Variants in NRG1 observed in about 807,000 individuals in gnomAD.
NRG1 encodes the protein neuregulin 1, also known as pro-neuregulin-1, membrane-bound isoform.
In NRG1, 18 loss-of-function variants were observed where a neutral mutation model predicts 63.8. That is an observed-to-expected ratio of 0.28 (90% CI 0.19 to 0.42). The LOEUF is 0.42. Ranked by LOEUF, NRG1 falls within the 10% of genes least tolerant of loss-of-function variation. NRG1 has a pLI of 1.00. For missense variants in NRG1, 762 were observed against 814.7 expected, an observed-to-expected ratio of 0.94 and a Z score of 0.79; for synonymous variants, 302 against 301.3, an observed-to-expected ratio of 1.00 and a Z score of -0.02.
intron 1 of NRG1, among the ~76,000 whole-genome samples, chr8:32,000,381 T>A (rs899837913): frequency 7.2e-5 from 11 of 151,782 alleles, no homozygotes; most frequent in Admixed American, 1.3e-4. Flanking sequence ...TCTTTTTTTT[T>A]AAAAGACCGT....
At chr8:32,317,901 A>G (rs1164088199) in intron 1 of NRG1, among the ~76,000 whole-genome samples, 1 of 152,168 alleles carries the variant, frequency 6.6e-6, no homozygotes, top group African/African-American at 2.4e-5. Flanking sequence ...ATGTGGATAT[A>G]ATTGAAGAGA....
At chr8:32,064,035 C>T (rs1480728116) in intron 1 of NRG1, among the ~76,000 whole-genome samples, 1 of 151,902 alleles carries the variant, frequency 6.6e-6, no homozygotes, top group Non-Finnish European at 1.5e-5. Flanking sequence ...ACGAGGGGAG[C>T]AATTGGGCAG....
chr8:31,952,977 A>G (rs1563610431), intron 1 of NRG1, among the ~76,000 whole-genome samples: 1 of 152,224 alleles, frequency 6.6e-6, no homozygotes, highest in Non-Finnish European at 1.5e-5. Context: ...TTGCATTAAA[A>G]AATGTTTAGG....
chr8:31,858,841 G>A (rs931777256), intron 1 of NRG1, among the ~76,000 whole-genome samples: 5 of 152,134 alleles, frequency 3.3e-5, no homozygotes, highest in African/African-American at 1.2e-4. Context: ...TGAATGCATT[G>A]GGTTACGAAG....
At chr8:31,933,255 A>G (rs141700484) in intron 1 of NRG1, among the ~76,000 whole-genome samples, 92 of 151,818 alleles carry the variant, frequency 6.1e-4, no homozygotes, top group African/African-American at 2.2e-3. Flanking sequence ...CCCCACAATA[A>G]CCCTGATGGA....
intron 1 of NRG1, among the ~76,000 whole-genome samples, chr8:32,306,848 C>G (rs750742621): frequency 2.0e-5 from 3 of 152,170 alleles, no homozygotes; most frequent in African/African-American, 4.8e-5. Context: ...ATCAAAGAAC[C>G]AAATCCAGTG....
chr8:31,859,653 C>G (rs1482652091), intron 1 of NRG1, among the ~76,000 whole-genome samples: 2 of 152,194 alleles, frequency 1.3e-5, no homozygotes, highest in Non-Finnish European at 2.9e-5. Context: ...ATCTGCATAT[C>G]TGAGCTAGAC....
At chr8:31,873,575 A>C (rs1280295606) in intron 1 of NRG1, among the ~76,000 whole-genome samples, 3 of 152,164 alleles carry the variant, frequency 2.0e-5, no homozygotes, top group Admixed American at 6.5e-5. Context: ...AAAACAAAAC[A>C]AAACAAAACA....
In NRG1 at chr8:31,987,315, T is replaced by C. The variant is rs60298366; in HGVS notation, c.37+347884T>C. Among the ~76,000 whole-genome samples, 769 of 104,178 alleles carry C rather than the reference T, an allele frequency of 7.4e-3. 14 individuals are homozygous for C. Among genetic ancestry groups the C allele is most frequent in the African/African-American group, 0.032 (701 of 22,036 alleles). 68.3% of individuals were successfully genotyped at this position (104,178 alleles called of 152,430 possible). On this transcript the variant is annotated intron_variant, in intron 1 of 10. Coordinates refer to the NRG1 transcript ENST00000519301. ...CTGTCTCAAAAAAAAAAAAAAAACATATATATGTGTGTGTGTGTGTGTGTG... is the reference window on the plus strand; with the variant it reads ...CTGTCTCAAAAAAAAAAAAAAAACACATATATGTGTGTGTGTGTGTGTGTG...
intron 1 of NRG1, among the ~76,000 whole-genome samples, chr8:31,962,139 A>G: frequency 6.6e-6 from 1 of 152,198 alleles, no homozygotes; most frequent in Non-Finnish European, 1.5e-5. Flanking sequence ...TTAAAATGGC[A>G]TGTTTAGGGA....
At chr8:31,755,977 G>C (rs555870523) in intron 1 of NRG1, among the ~76,000 whole-genome samples, 1 of 152,236 alleles carries the variant, frequency 6.6e-6, no homozygotes, top group Non-Finnish European at 1.5e-5. Context: ...CAGCTTAAGA[G>C]AGAAGCTGAA....
chr8:31,849,801 T>A (rs896354314), intron 1 of NRG1, among the ~76,000 whole-genome samples: 1 of 152,156 alleles, frequency 6.6e-6, no homozygotes, highest in Non-Finnish European at 1.5e-5. Flanking sequence ...CTGAAAATAA[T>A]GTGTCAGTTA....
intron 1 of NRG1, among the ~76,000 whole-genome samples, chr8:32,137,693 T>C (rs906922554): frequency 1.3e-5 from 2 of 152,142 alleles, no homozygotes; most frequent in Admixed American, 6.5e-5. Flanking sequence ...CCACCTCCGC[T>C]TTCCTTGATA....
At chr8:32,035,910 G>C (rs1356776107) in intron 1 of NRG1, among the ~76,000 whole-genome samples, 1 of 151,914 alleles carries the variant, frequency 6.6e-6, no homozygotes, top group Non-Finnish European at 1.5e-5. Context: ...TCTTTTAGTT[G>C]GGGCATTTAG....
chr8:32,254,101 C>T (rs1186100655), intron 1 of NRG1, among the ~76,000 whole-genome samples: 2 of 152,036 alleles, frequency 1.3e-5, no homozygotes, highest in African/African-American at 2.4e-5. Flanking sequence ...ATTAGTCTGG[C>T]TAGTGGTCTA....
intron 1 of NRG1, among the ~76,000 whole-genome samples, chr8:31,826,555 T>G (rs560273468): frequency 6.6e-6 from 1 of 152,326 alleles, no homozygotes; most frequent in South Asian, 2.1e-4. Context: ...TCTTTATAAA[T>G]TACCAAGTCT....
intron 1 of NRG1, among the ~76,000 whole-genome samples, chr8:31,941,224 G>A (rs1261791541): frequency 1.3e-5 from 2 of 152,048 alleles, no homozygotes; most frequent in Non-Finnish European, 2.9e-5. Flanking sequence ...TCACACTAGG[G>A]ATGCAGGGAT....
intron 1 of NRG1, among the ~76,000 whole-genome samples, chr8:32,070,389 A>G (rs530056171): frequency 2.6e-5 from 4 of 152,308 alleles, no homozygotes; most frequent in African/African-American, 9.6e-5. Flanking sequence ...ATGATATAAT[A>G]TCTTTCAAAT....
chr8:32,266,409 A>G (rs1177585408), intron 1 of NRG1, among the ~76,000 whole-genome samples: 28 of 152,298 alleles, frequency 1.8e-4, no homozygotes, highest in Non-Finnish European at 5.9e-5. Flanking sequence ...AGCTTAGCCT[A>G]AATTTCTTGA....
Sources: allele counts gnomAD v4.1 joint callset (sites outside exome capture counted in the v4.1 genomes callset), GRCh38; gene constraint gnomAD v4.1.1; transcripts MANE v1.5; gene names NCBI Gene and HGNC (gene_info 2026-07-23, HGNC 2026-07-21).